Variants in GDAP1 observed in about 807,000 individuals in gnomAD.
GDAP1 encodes the protein ganglioside-induced differentiation-associated protein 1.
Under a neutral mutation model 40.1 loss-of-function variants are expected in GDAP1, and 34 were observed. That is an observed-to-expected ratio of 0.85 (90% CI 0.64 to 1.13). The LOEUF (loss-of-function observed/expected upper bound fraction) is 1.13, where lower values mean the gene tolerates loss of function less well. Ranked by LOEUF, GDAP1 falls within the 50% of genes most tolerant of loss-of-function variation. The pLI is 0.00. For synonymous variants in GDAP1, 170 were observed against 157.4 expected (o/e 1.08, Z -0.60); for missense variants, 374 against 433.7 (o/e 0.86, Z 1.22).
intron 2 of GDAP1, among the ~76,000 whole-genome samples, chr8:74,383,162 T>A (rs1402661388): frequency 6.6e-6 from 1 of 152,202 alleles, no homozygotes; most frequent in African/African-American, 2.4e-5. Flanking sequence ...CATACAAACT[T>A]ATTTAAACAC....
chr8:74,399,033 G>A (rs564874188), intron 2 of GDAP1, among the ~76,000 whole-genome samples: 1 of 151,808 alleles, frequency 6.6e-6, no homozygotes, highest in African/African-American at 2.4e-5. Context: ...GTCTCTGCCC[G>A]GCTTTGGTGT....
intron 2 of GDAP1, among the ~76,000 whole-genome samples, chr8:74,353,805 TTAAG>T (rs1808983393): frequency 1.3e-5 from 2 of 151,806 alleles, no homozygotes; most frequent in Non-Finnish European, 3.0e-5. Context: ...TAGTGTTTAG[TTAAG>T]TAAGCACTGG....
chr8:74,353,685 A>C (rs374876390), intron 2 of GDAP1, among the ~76,000 whole-genome samples: 5 of 152,166 alleles, frequency 3.3e-5, no homozygotes, highest in East Asian at 1.9e-4. Flanking sequence ...GCTTGTTAGA[A>C]CTGCAGAACC....
intron 2 of GDAP1, among the ~76,000 whole-genome samples, chr8:74,398,094 A>G (rs180746814): frequency 0.025 from 3,747 of 151,700 alleles, 158 homozygotes; most frequent in African/African-American, 0.086. Flanking sequence ...CTGGATTCCT[A>G]GGTATTTTAT....
intron 2 of GDAP1, among the ~76,000 whole-genome samples, chr8:74,439,036 A>ATGTGTGTG (rs35345122): frequency 6.7e-6 from 1 of 150,054 alleles, no homozygotes; most frequent in Non-Finnish European, 1.5e-5. Flanking sequence ...GTGTATATAT[A>ATGTGTGTG]TGTGTGTGTG....
intron 2 of GDAP1, among the ~76,000 whole-genome samples, chr8:74,431,744 G>C (rs1271113992): frequency 6.6e-6 from 1 of 151,922 alleles, no homozygotes; most frequent in Non-Finnish European, 1.5e-5. Context: ...GCCTCCCAAA[G>C]TGCTGGAATT....
intron 2 of GDAP1, among the ~76,000 whole-genome samples, chr8:74,392,750 G>T (rs566103640): frequency 6.6e-6 from 1 of 152,132 alleles, no homozygotes; most frequent in African/African-American, 2.4e-5. Context: ...CATAGAGAGG[G>T]CAACACAAAT....
At chr8:74,394,824 G>A (rs755500779) in intron 2 of GDAP1, among the ~76,000 whole-genome samples, 1 of 152,106 alleles carries the variant, frequency 6.6e-6, no homozygotes, top group Non-Finnish European at 1.5e-5. Context: ...GGAAATGGCA[G>A]CCCAAAGAAG....
intron 4 of GDAP1, 62 bp from the exon 5 acceptor site, chr8:74,362,877 A>T: frequency 1.4e-6 from 1 of 730,756 alleles, no homozygotes; most frequent in South Asian, 1.4e-5. Context: ...TGCTTTACCT[A>T]GATTTATTTT....
At chr8:74,485,817 T>TG (rs766519738) in intron 2 of GDAP1, among the ~76,000 whole-genome samples, 66 of 152,128 alleles carry the variant, frequency 4.3e-4, no homozygotes, top group East Asian at 2.3e-3. Flanking sequence ...GGCCATTTGA[T>TG]GGGGGATTAG....
rs892820211 is a variant in GDAP1 at position 74,407,067 on chromosome 8, CTTATG to C, written c.165+55753_165+55757del. Among the ~76,000 whole-genome samples the C allele has an allele frequency of 2.7e-5, 4 of 149,708 alleles. 1 individual carries two copies. Among genetic ancestry groups the C allele is most frequent in the African/African-American group, 5.1e-5 (2 of 39,148 alleles). The stretch of plus-strand genomic sequence containing the variant: ...GAAAAAAATTCTATAATCAATCACC[CTTATG>C]TTATGTAATTTTTAGGCTTCAATTA... On this transcript the variant is annotated intron_variant, in intron 2 of 2. Transcript: ENST00000523640.
intron 2 of GDAP1, among the ~76,000 whole-genome samples, chr8:74,398,152 C>G (rs1368542854): frequency 6.6e-6 from 1 of 151,980 alleles, no homozygotes; most frequent in African/African-American, 2.4e-5. Flanking sequence ...ATTTGGCTCT[C>G]TGTTTGTCTG....
intron 2 of GDAP1, among the ~76,000 whole-genome samples, chr8:74,432,984 G>T (rs1220685262): frequency 1.3e-5 from 2 of 152,068 alleles, no homozygotes; most frequent in East Asian, 3.9e-4. Flanking sequence ...TCTTATGATT[G>T]TCCCCTAGTC....
At chr8:74,362,313 GCCCT>G (rs1809408120) in intron 4 of GDAP1, among the ~76,000 whole-genome samples, 1 of 152,004 alleles carries the variant, frequency 6.6e-6, no homozygotes, top group Non-Finnish European at 1.5e-5. Context: ...TCCATGTGTC[GCCCT>G]GACTTGCTTT....
downstream of GDAP1, among the ~76,000 whole-genome samples, chr8:74,371,443 G>A (rs1308619840): frequency 6.6e-6 from 1 of 152,018 alleles, no homozygotes; most frequent in Non-Finnish European, 1.5e-5. Flanking sequence ...GGCGGATCAC[G>A]AGGTCAGGAG....
chr8:74,372,828 T>G (rs1809778237), intron 2 of GDAP1, among the ~76,000 whole-genome samples: 1 of 152,200 alleles, frequency 6.6e-6, no homozygotes, highest in Non-Finnish European at 1.5e-5. Flanking sequence ...GTTTTAGACA[T>G]GAAGTCCTTG....
In GDAP1 at chr8:74,428,926, C is replaced by T. The variant is rs1456681488; in HGVS notation, c.166-59752C>T. Among the ~76,000 whole-genome samples the T allele has an allele frequency of 2.2e-5, 3 of 136,626 alleles. No individual in the cohort carries two copies. The Admixed American group carries it at 2.3e-4, about 11-fold the overall frequency. The allele number at this position is 136,626 out of a possible 152,430, so 89.6% of individuals were successfully genotyped here. On this transcript the variant is annotated intron_variant, in intron 2 of 2. Coordinates refer to the GDAP1 transcript ENST00000523640. ...TCCCCTTCCTGTGTCCAAGTGTTCTCGTTGTTCAATTCCCACCTATGAGTG... is the reference window on the plus strand; with the variant it reads ...TCCCCTTCCTGTGTCCAAGTGTTCTTGTTGTTCAATTCCCACCTATGAGTG...
chr8:74,450,033 C>G (rs1806277527), intron 2 of GDAP1, among the ~76,000 whole-genome samples: 1 of 150,720 alleles, frequency 6.6e-6, no homozygotes, highest in African/African-American at 2.4e-5. Context: ...TTAGCTGGAT[C>G]CAGAAAATGG....
intron 2 of GDAP1, among the ~76,000 whole-genome samples, chr8:74,389,329 A>G (rs1171359820): frequency 6.6e-6 from 1 of 151,898 alleles, no homozygotes; most frequent in African/African-American, 2.4e-5. Context: ...TTTCCTTTCC[A>G]TATTTAGTAC....
Sources: gnomAD v4.1 joint callset for allele counts (sites outside exome capture counted in the v4.1 genomes callset) on GRCh38, gnomAD v4.1.1 for gene constraint, MANE v1.5 for transcripts, NCBI Gene and HGNC (gene_info 2026-07-23, HGNC 2026-07-21) for gene names.